Variants in RIC3 observed in about 807,000 individuals in gnomAD.
RIC3 encodes the protein RIC3 acetylcholine receptor chaperone, also known as protein RIC-3.
A neutral mutation model predicts 27.3 loss-of-function variants in RIC3; 28 were observed. The ratio of observed to expected loss-of-function variants is 1.02; its 90% CI spans 0.76 to 1.41. The LOEUF (loss-of-function observed/expected upper bound fraction) is 1.41, where lower values mean the gene tolerates loss of function less well. Among genes scored for constraint, RIC3 ranks in the 40% most tolerant of loss-of-function variants. RIC3 has a pLI of 0.00. For synonymous variants in RIC3, 184 were observed against 160.4 expected, an observed-to-expected ratio of 1.15 and a Z score of -1.11; for missense variants, 501 against 444.7, an observed-to-expected ratio of 1.13 and a Z score of -1.14.
intron 4 of RIC3, among the ~76,000 whole-genome samples, chr11:8,131,882 CAG>C (rs1329049398): frequency 8.5e-5 from 9 of 106,494 alleles, no homozygotes; most frequent in Non-Finnish European, 1.4e-4. Flanking sequence ...GCCTGGGTGA[CAG>C]AGAGAGACTC....
intron 1 of RIC3, among the ~76,000 whole-genome samples, chr11:8,155,637 T>C (rs770196051): frequency 1.7e-4 from 26 of 152,156 alleles, no homozygotes; most frequent in Non-Finnish European, 3.2e-4. Context: ...TTAATAACCA[T>C]ACCTATTGCT....
chr11:8,112,974 G>A (rs1191405173), intron 5 of RIC3, among the ~76,000 whole-genome samples: 1 of 152,210 alleles, frequency 6.6e-6, no homozygotes, highest in African/African-American at 2.4e-5. Context: ...TTCCAGAAGA[G>A]TGGTATAAAT....
At position 8,160,371 on chromosome 11, in the gene RIC3, A is replaced by G. The variant is rs532729230; in HGVS notation, c.124+8495T>C. Among the ~76,000 whole-genome samples the G allele has an allele frequency of 1.7e-3, 255 of 152,350 alleles. 1 individual carries two copies. The highest frequency in any genetic ancestry group is 1.8e-3 in the Non-Finnish European group (124 of 68,036). ...TTGCTTATGTTTGAAAATGTCTTTA[A>G]CAAAAAGTTTTTTAAAAATCAAGAA... On this transcript the variant is annotated intron_variant, in intron 1 of 5. Coordinates refer to ENST00000309737, the MANE Select transcript of RIC3 (RefSeq NM_001206671.4).
chr11:8,101,858 C>CGACCA, downstream of RIC3: 3 of 479,312 alleles, frequency 6.3e-6, no homozygotes, highest in South Asian at 3.7e-5. Flanking sequence ...CTTTCCATGC[C>CGACCA]ACGAGATCAA....
chr11:8,099,410 G>A, the RIC3 span, among the ~76,000 whole-genome samples: 221 of 152,154 alleles, frequency 1.5e-3, no homozygotes, highest in African/African-American at 5.1e-3. Flanking sequence ...TCAGGGGTGG[G>A]TATCTCATCA....
At chr11:8,096,993 T>C in the RIC3 span, among the ~76,000 whole-genome samples, 1 of 152,084 alleles carries the variant, frequency 6.6e-6, no homozygotes, top group Non-Finnish European at 1.5e-5. Flanking sequence ...GGAGATGCAG[T>C]TGGACAGGAT....
the RIC3 span, among the ~76,000 whole-genome samples, chr11:8,098,553 CTT>C: frequency 6.6e-6 from 1 of 152,196 alleles, no homozygotes; most frequent in African/African-American, 2.4e-5. Context: ...CTGAAATGCA[CTT>C]TGAGTCAACT....
Position 8,119,899 on chromosome 11 carries a change from T to A in RIC3, c.670+6760A>T, listed in dbSNP as rs536636210. On this transcript the variant is annotated intron_variant, in intron 5 of 5. Coordinates refer to ENST00000309737, the MANE Select transcript of RIC3 (RefSeq NM_001206671.4). ...GGGCAAAGGATTATGAACAGACACT[T>A]CTCAAAAGAAGACATGTATGCAGCC... Among the ~76,000 whole-genome samples the A allele has an allele frequency of 3.9e-5, 6 of 152,184 alleles. No individual in the cohort carries two copies. In the South Asian group the frequency reaches 1.2e-3, roughly 32 times the overall value.
At chr11:8,128,133 C>T (rs1947207755) in intron 4 of RIC3, 1 of 454,266 alleles carries the variant, frequency 2.2e-6, no homozygotes, top group East Asian at 7.0e-5. Flanking sequence ...TCCACAACTG[C>T]TCGTGTGTCC....
Position 8,108,364 on chromosome 11 carries a change from G to C in RIC3, c.*2334C>G, listed in dbSNP as rs1361231521. ...CTCCCAAGAAACTGTGAAGTTTCTT[G>C]GCAATACTTTAGCAAAAACAATTTA... On this transcript the variant is annotated 3_prime_UTR_variant, in exon 6 of 6. Coordinates refer to ENST00000309737, the MANE Select transcript of RIC3 (RefSeq NM_001206671.4). 6.6e-6 allele frequency: 1 copy of C among 152,112 alleles called. No homozygotes were observed. Among genetic ancestry groups the C allele is most frequent in the Non-Finnish European group, 1.5e-5 (1 of 68,022 alleles). The allele number at this position is 152,112 out of a possible 1,614,324, so 9.4% of individuals were successfully genotyped here. A position where few individuals can be genotyped will look rare whatever the true frequency, so the allele number is the denominator to read the frequency against.
chr11:8,164,350 A>G (rs1257716464), intron 1 of RIC3, among the ~76,000 whole-genome samples: 2 of 152,250 alleles, frequency 1.3e-5, no homozygotes, highest in Non-Finnish European at 2.9e-5. Flanking sequence ...GAGAAAATGT[A>G]AAACTTTTCT....
intron 5 of RIC3, among the ~76,000 whole-genome samples, chr11:8,126,412 G>A (rs978548702): frequency 6.6e-6 from 1 of 152,192 alleles, no homozygotes; most frequent in Admixed American, 6.5e-5. Flanking sequence ...TTGTTTCCAG[G>A]GGCAGGAGAA....
intron 5 of RIC3, among the ~76,000 whole-genome samples, chr11:8,118,096 G>A (rs1590097873): frequency 6.6e-6 from 1 of 151,762 alleles, no homozygotes; most frequent in South Asian, 2.1e-4. Context: ...GGTGGCAGGC[G>A]CCTGTAGTCC....
At chr11:8,121,246 G>A (rs1404169132) in intron 5 of RIC3, among the ~76,000 whole-genome samples, 1 of 152,042 alleles carries the variant, frequency 6.6e-6, no homozygotes, top group Non-Finnish European at 1.5e-5. Context: ...TAGGTAGAGG[G>A]GGAACAACGA....
the RIC3 span, chr11:8,095,696 CA>C: frequency 6.4e-7 from 1 of 1,559,526 alleles, no homozygotes; most frequent in Non-Finnish European, 8.7e-7. Context: ...GTGATACCCC[CA>C]AAACTCAGTC....
chr11:8,168,605 C>T (rs1030010845), intron 1 of RIC3, among the ~76,000 whole-genome samples: 1 of 152,198 alleles, frequency 6.6e-6, no homozygotes, highest in African/African-American at 2.4e-5. Context: ...AACGGGAGTA[C>T]GCAAGGCCAC....
At chr11:8,120,990 A>C (rs1946385459) in intron 5 of RIC3, among the ~76,000 whole-genome samples, 1 of 152,220 alleles carries the variant, frequency 6.6e-6, no homozygotes, top group African/African-American at 2.4e-5. Context: ...AAAAATATAA[A>C]GGTATTCTTG....
At chr11:8,095,414 C>A in the RIC3 span, 1 of 1,434,880 alleles carries the variant, frequency 7.0e-7, no homozygotes. Context: ...CCCACTCTTC[C>A]CTCATCCCCT....
chr11:8,115,559 G>A (rs1028410136), intron 5 of RIC3, among the ~76,000 whole-genome samples: 1 of 152,068 alleles, frequency 6.6e-6, no homozygotes, highest in African/African-American at 2.4e-5. Context: ...TGTAATCCCA[G>A]CACTTTGGGA....
Sources: allele counts gnomAD v4.1 joint callset (sites outside exome capture counted in the v4.1 genomes callset), GRCh38; gene constraint gnomAD v4.1.1; transcripts MANE v1.5; gene names NCBI Gene and HGNC (gene_info 2026-07-23, HGNC 2026-07-21).